The following IGFBP4 variants were observed in gnomAD, a reference collection of about 807,000 sequenced individuals.
IGFBP4 encodes insulin-like growth factor-binding protein 4.
In IGFBP4, 9 loss-of-function variants were observed where a neutral mutation model predicts 25.8. The ratio of observed to expected loss-of-function variants is 0.35; its 90% CI spans 0.21 to 0.61. The LOEUF is 0.61. IGFBP4 is among the 20% of genes least tolerant of loss of function. The probability of loss-of-function intolerance (pLI) is 0.77; values close to 1 mark genes in which losing one functional copy is unlikely to be tolerated. For synonymous variants in IGFBP4, 153 were observed against 153.9 expected, an observed-to-expected ratio of 0.99 and a Z score of 0.05; for missense variants, 315 against 365.3, an observed-to-expected ratio of 0.86 and a Z score of 1.12.
chr17:40,453,901 G>A lies in IGFBP4; in HGVS notation c.508-27G>A, dbSNP rs777589362. Reference sequence around the variant, plus strand: ...GCCTCCTGCCTCTCTTCCTTCTGCTGAGCAATTTTGTCTTCCCCTCCTCCA... The same window carrying A: ...GCCTCCTGCCTCTCTTCCTTCTGCTAAGCAATTTTGTCTTCCCCTCCTCCA... On this transcript the variant is annotated intron_variant, in intron 2 of 3. Transcript: ENST00000269593. The surrounding 1 kb of genome is among the most constrained non-coding windows in gnomAD (Gnocchi z 4.0). 1 of 1,576,540 alleles carries A rather than the reference G, an allele frequency of 6.3e-7. No individual in the cohort carries two copies. Among genetic ancestry groups the A allele is most frequent in the South Asian group, 1.1e-5 (1 of 87,192 alleles).
intron 1 of IGFBP4, among the ~76,000 whole-genome samples, chr17:40,446,460 A>G (rs1442497729): frequency 6.6e-6 from 1 of 152,094 alleles, no homozygotes; most frequent in Non-Finnish European, 1.5e-5. Context: ...TACTAAAAAT[A>G]CAAAAATTAG....
At position 40,443,828 on chromosome 17, in the gene IGFBP4, C is replaced by A; in HGVS notation, c.93C>A (p.Ser31=). 6.5e-7 allele frequency: 1 copy of A among 1,535,642 alleles called. No individual in the cohort carries two copies. Among genetic ancestry groups the A allele is most frequent in the Non-Finnish European group, 8.7e-7 (1 of 1,147,674 alleles). The part of the protein sequence containing the change: ...GDEAIHCPPC[S]EEKLARCRPP... The stretch of plus-strand genomic sequence containing the variant: ...AAGCCATCCACTGCCCGCCCTGCTC[C>A]GAGGAGAAGCTGGCGCGCTGCCGCC... The change falls in exon 1 of 4, where the codon TCC becomes TCA. Residue 31 remains serine (S), a synonymous_variant. Coordinates refer to ENST00000269593, the MANE Select transcript of IGFBP4 (RefSeq NM_001552.3).
chr17:40,452,740 C>G (rs183453383), intron 1 of IGFBP4, among the ~76,000 whole-genome samples: 2 of 152,076 alleles, frequency 1.3e-5, no homozygotes, highest in Admixed American at 6.5e-5. Flanking sequence ...CTCATCTGAG[C>G]GCTGGCCTGA....
chr17:40,451,236 G>A (rs2035680752), intron 1 of IGFBP4, among the ~76,000 whole-genome samples: 1 of 152,122 alleles, frequency 6.6e-6, no homozygotes, highest in Non-Finnish European at 1.5e-5. Flanking sequence ...GATTTTAAAT[G>A]TGCAGAAGGA....
Position 40,443,814 on chromosome 17 carries a change from T to C in IGFBP4, c.79T>C (p.Cys27Arg). 6.5e-7 allele frequency: 1 copy of C among 1,531,486 alleles called. No individual in the cohort carries two copies. Among genetic ancestry groups the C allele is most frequent in the Non-Finnish European group, 8.7e-7 (1 of 1,146,708 alleles). 94.9% of individuals were successfully genotyped at this position (1,531,486 alleles called of 1,614,324 possible). ...GAGCCTGGGCGACGAAGCCATCCAC[T>C]GCCCGCCCTGCTCCGAGGAGAAGCT... ...GPSLGDEAIH[C>R]PPCSEEKLAR... Residue 27 changes from cysteine to arginine, a missense_variant, in exon 1 of 4, where the codon TGC (cysteine) becomes CGC (arginine). Physicochemically the swap from Cys to Arg is radical, Grantham distance 180. Coordinates refer to ENST00000269593, the MANE Select transcript of IGFBP4 (RefSeq NM_001552.3).
chr17:40,446,355 C>T (rs993929470), intron 1 of IGFBP4, among the ~76,000 whole-genome samples: 4 of 149,926 alleles, frequency 2.7e-5, no homozygotes, highest in Non-Finnish European at 5.9e-5. Flanking sequence ...GTGGCTCACA[C>T]CTGTAATCTC....
At chr17:40,450,193 T>G (rs143475630) in intron 1 of IGFBP4, among the ~76,000 whole-genome samples, 1 of 152,078 alleles carries the variant, frequency 6.6e-6, no homozygotes, top group East Asian at 1.9e-4. Context: ...AGAGATAGGG[T>G]TTCACTATGT....
At chr17:40,452,652 G>C (rs754785209) in intron 1 of IGFBP4, among the ~76,000 whole-genome samples, 9 of 152,114 alleles carry the variant, frequency 5.9e-5, no homozygotes, top group African/African-American at 2.2e-4. Context: ...GATCCAGCAG[G>C]GGGTCCCCCT....
chr17:40,452,809 G>A (rs892865493), intron 1 of IGFBP4, among the ~76,000 whole-genome samples, 176 bp from the exon 2 acceptor site: 5 of 152,110 alleles, frequency 3.3e-5, no homozygotes, highest in African/African-American at 9.7e-5. Context: ...AGATCCAGGG[G>A]AGAGGGGAGG....
intron 3 of IGFBP4, among the ~76,000 whole-genome samples, chr17:40,455,329 T>A (rs1318122780): frequency 6.6e-6 from 1 of 151,556 alleles, no homozygotes; most frequent in Non-Finnish European, 1.5e-5. Flanking sequence ...TTTCTTCTCC[T>A]GATTTTTTTT....
chr17:40,451,761 G>A lies in IGFBP4; in HGVS notation c.350-1224G>A, dbSNP rs188053842. ...TCAGCCCTGTATTCTGGTTTTGACT[G>A]CTTGGAGGGAGGAGCAGTGGTTACA... On this transcript the variant is annotated intron_variant, in intron 1 of 3. Coordinates refer to ENST00000269593, the MANE Select transcript of IGFBP4 (RefSeq NM_001552.3). 3.1e-3 allele frequency among the ~76,000 whole-genome samples: 466 copies of A among 152,340 alleles called. 17 individuals are homozygous for A. The highest frequency in any genetic ancestry group is 0.029 in the Admixed American group (443 of 15,298).
intron 1 of IGFBP4, among the ~76,000 whole-genome samples, chr17:40,445,346 C>T (rs10305284): frequency 0.12 from 17,779 of 152,196 alleles, 3,418 homozygotes; most frequent in African/African-American, 0.4. Context: ...ATTCCATCTC[C>T]GACCCTGTTT....
At chr17:40,449,470 C>T (rs563214214) in intron 1 of IGFBP4, among the ~76,000 whole-genome samples, 4 of 152,028 alleles carry the variant, frequency 2.6e-5, no homozygotes, top group East Asian at 1.9e-4. Context: ...AAGAAAAGGC[C>T]GGGCGCAATG....
intron 3 of IGFBP4, among the ~76,000 whole-genome samples, chr17:40,454,416 CACTCT>C (rs1309827151): frequency 2.0e-5 from 3 of 152,206 alleles, no homozygotes; most frequent in Non-Finnish European, 4.4e-5. Context: ...CTCTCTCATT[CACTCT>C]ACTCTATTCG....
At chr17:40,452,142 T>G (rs1426005558) in intron 1 of IGFBP4, among the ~76,000 whole-genome samples, 2 of 152,094 alleles carry the variant, frequency 1.3e-5, no homozygotes, top group Non-Finnish European at 2.9e-5. Flanking sequence ...CCCATTTGGA[T>G]GGAGTTTTTC....
Position 40,443,605 on chromosome 17 carries a change from C to G in IGFBP4, c.-131C>G, listed in dbSNP as rs1828940698. ...TCGCCCGCCGGGCCGCCCCGTCTCC[C>G]CGCGCCCTCCGGGTCGGGTCCTCCA... On this transcript the variant is annotated 5_prime_UTR_variant, in exon 1 of 4. Transcript: ENST00000269593. 1.1e-5 allele frequency: 3 copies of G among 261,188 alleles called. No individual in the cohort carries two copies. Among genetic ancestry groups the G allele is most frequent in the African/African-American group, 2.3e-5 (1 of 43,314 alleles). 16.2% of individuals were successfully genotyped at this position (261,188 alleles called of 1,614,324 possible).
Position 40,443,891 on chromosome 17 carries a change from C to T in IGFBP4, c.156C>T (p.Gly52=), listed in dbSNP as rs942237940. ...VGCEELVREP[G]CGCCATCALG... is the part of the protein sequence containing the mutation. ...GCGAGGAGCTGGTGCGAGAGCCGGG[C>T]TGCGGCTGTTGCGCCACTTGCGCCC... Residue 52 remains glycine (G), a synonymous_variant, in exon 1 of 4, where the codon GGC becomes GGT. Transcript: ENST00000269593. The T allele has an allele frequency of 3.3e-6, 5 of 1,530,266 alleles. No individual in the cohort carries two copies. Among genetic ancestry groups the T allele is most frequent in the Non-Finnish European group, 4.4e-6 (5 of 1,144,166 alleles). 94.8% of individuals were successfully genotyped at this position (1,530,266 alleles called of 1,614,324 possible). A position where few individuals can be genotyped will look rare whatever the true frequency, so the allele number is the denominator to read the frequency against.
At position 40,453,118 on chromosome 17, in the gene IGFBP4, G is replaced by T. The variant is rs146275154; in HGVS notation, c.483G>T (p.Ala161=). Residue 161 remains alanine (A), a synonymous_variant, in exon 2 of 4, where the codon GCG becomes GCT. Transcript: ENST00000269593. This position sits in a 1 kb window ranked among gnomAD's most constrained non-coding sequence, Gnocchi z 4.0. ...TSGGKMKVNG[A]PREDARPVPQ... is the part of the protein sequence containing the mutation. ...GGGGCAAGATGAAGGTCAATGGGGCGCCCCGGGAGGATGCCCGGCCTGTGG... is the reference window on the plus strand; with the variant it reads ...GGGGCAAGATGAAGGTCAATGGGGCTCCCCGGGAGGATGCCCGGCCTGTGG... 3.2e-6 allele frequency: 5 copies of T among 1,579,924 alleles called. No individual in the cohort carries two copies. The African/African-American group carries it at 6.8e-5, about 21-fold the overall frequency.
intron 1 of IGFBP4, among the ~76,000 whole-genome samples, chr17:40,452,534 G>C (rs892898426): frequency 2.0e-5 from 3 of 152,166 alleles, no homozygotes; most frequent in Non-Finnish European, 4.4e-5. Context: ...CCACAGCCCT[G>C]GGGATCCCCT....
Sources: allele counts gnomAD v4.1 joint callset (sites outside exome capture counted in the v4.1 genomes callset), GRCh38; gene constraint gnomAD v4.1.1; non-coding constraint Gnocchi (gnomAD v3.1); transcripts MANE v1.5; gene names NCBI Gene and HGNC (gene_info 2026-07-23, HGNC 2026-07-21).